The following CSAD variants were observed in gnomAD, a reference collection of about 807,000 sequenced individuals.
CSAD encodes the protein P-selectin cytoplasmic tail-associated protein.
CSAD carries 47 observed loss-of-function variants against 61.5 expected under a neutral mutation model. The observed-to-expected ratio is 0.76, with a 90% CI of 0.60 to 0.97. CSAD has a LOEUF of 0.97. Ranked by LOEUF, CSAD falls within the 50% of genes least tolerant of loss-of-function variation. The probability of loss-of-function intolerance (pLI) is 0.00; values close to 1 mark genes in which losing one functional copy is unlikely to be tolerated. For synonymous variants in CSAD, 245 were observed against 252.7 expected (o/e 0.97, Z 0.29); for missense variants, 611 against 643.6 (o/e 0.95, Z 0.55).
chr12:53,168,077 G>T (rs1260596146), intron 10 of CSAD, among the ~76,000 whole-genome samples: 1 of 152,186 alleles, frequency 6.6e-6, no homozygotes, highest in African/African-American at 2.4e-5. Flanking sequence ...CACGCTACAG[G>T]TTGGATGAAC....
intron 2 of CSAD, among the ~76,000 whole-genome samples, chr12:53,176,892 C>T (rs556022427): frequency 6.6e-6 from 1 of 151,972 alleles, no homozygotes; most frequent in African/African-American, 2.4e-5. Context: ...GCCAGCATGC[C>T]GGGTTAATTT....
At position 53,161,116 on chromosome 12, in the gene CSAD, A is replaced by T; in HGVS notation, c.884+11T>A. 1.2e-6 allele frequency: 2 copies of T among 1,612,932 alleles called. No individual in the cohort carries two copies. Among genetic ancestry groups the T allele is most frequent in the Non-Finnish European group, 1.7e-6 (2 of 1,179,044 alleles). On this transcript the variant is annotated intron_variant, in intron 12 of 16. Transcript: ENST00000444623. ...AAGGGCGGGATTTGGGAAGAAGGGG[A>T]CTGTATGCACCTCTGGATCCCATCC...
chr12:53,160,542 A>G (rs1165545141), intron 13 of CSAD, among the ~76,000 whole-genome samples: 1 of 152,214 alleles, frequency 6.6e-6, no homozygotes, highest in Admixed American at 6.5e-5. Flanking sequence ...TAGAAACTCC[A>G]GGATACCTCT....
chr12:53,172,061 G>A lies in CSAD; in HGVS notation c.345-73C>T, dbSNP rs1015250310. On this transcript the variant is annotated intron_variant, in intron 6 of 16. Transcript: ENST00000444623. ...CCAGACAGGCCCTTAAACTGCACAG[G>A]AGTCACAAAAAGGAGGCAGTGAAGA... 1.8e-5 allele frequency: 20 copies of A among 1,085,340 alleles called. No homozygotes were observed. In the African/African-American group the frequency reaches 2.4e-4, roughly 13 times the overall value. 67.2% of individuals were successfully genotyped at this position (1,085,340 alleles called of 1,614,324 possible). A position where few individuals can be genotyped will look rare whatever the true frequency, so the allele number is the denominator to read the frequency against.
chr12:53,173,018 GC>G lies in CSAD; in HGVS notation c.126+326del, dbSNP rs375994918. Among the ~76,000 whole-genome samples the G allele has an allele frequency of 7.4e-4, 113 of 152,264 alleles. 2 individuals are homozygous for G. The South Asian group carries it at 0.022, about 30-fold the overall frequency. On this transcript the variant is annotated intron_variant, in intron 4 of 16. Coordinates refer to ENST00000444623, the MANE Select transcript of CSAD (RefSeq NM_001244705.2). ...AGGTCAGGAGTTCGAGAGCAGCCTG[GC>G]TAACATGGTGAAACCCCGTCTCTAC...
chr12:53,172,662 C>T lies in CSAD; in HGVS notation c.127-14G>A, dbSNP rs778289097. 6.4e-5 allele frequency: 102 copies of T among 1,599,048 alleles called. 1 individual carries two copies. Among genetic ancestry groups the T allele is most frequent in the South Asian group, 2.9e-4 (26 of 89,384 alleles). The stretch of plus-strand genomic sequence containing the variant: ...CCACTCACAGACCTAGGAAGAGAGC[C>T]GGGGATGCTGGGGGCCTGGGATGCC... On this transcript the variant is annotated splice_polypyrimidine_tract_variant and intron_variant, in intron 4 of 16. Coordinates refer to ENST00000444623, the MANE Select transcript of CSAD (RefSeq NM_001244705.2).
At chr12:53,160,704 T>TC in intron 13 of CSAD, 59 bp downstream of exon 13, 7 of 1,392,870 alleles carry the variant, frequency 5.0e-6, no homozygotes, top group Non-Finnish European at 7.0e-6. Flanking sequence ...TAAGGTGGGA[T>TC]AGAGAAGGCA....
chr12:53,159,515 A>C (rs532747037), intron 16 of CSAD, 108 bp downstream of exon 16: 12 of 866,398 alleles, frequency 1.4e-5, no homozygotes, highest in African/African-American at 1.3e-4. Context: ...CCTCAGAGCA[A>C]GAGACCAGCA....
chr12:53,181,103 C>T (rs369601059), upstream of CSAD: 114 of 946,928 alleles, frequency 1.2e-4, no homozygotes, highest in East Asian at 0.011. Flanking sequence ...CTTCTCGGCA[C>T]TCTCCGGCTC....
intron 16 of CSAD, 114 bp downstream of exon 16, chr12:53,159,509 A>T: frequency 1.2e-6 from 1 of 817,518 alleles, no homozygotes; most frequent in South Asian, 1.6e-5. Flanking sequence ...TCCACGCCTC[A>T]GAGCAAGAGA....
chr12:53,178,367 C>A, intron 2 of CSAD: 4 of 455,964 alleles, frequency 8.8e-6, no homozygotes, highest in Non-Finnish European at 1.8e-5. Flanking sequence ...TTGCCCACAT[C>A]TGTAGTCCCA....
At chr12:53,162,870 T>G (rs922383013) in intron 10 of CSAD, among the ~76,000 whole-genome samples, 2 of 151,924 alleles carry the variant, frequency 1.3e-5, no homozygotes, top group Admixed American at 6.6e-5. Context: ...GAGACTAGCC[T>G]GACCAACATG....
rs558582428 is a variant in CSAD, at chr12:53,174,651, G to A, written c.-49-881C>T. ...TCTACTAAAAAATACACAATTAGCCGGGCGTGGTGGCGGGTGCCTGTAATC... is the reference window on the plus strand; with the variant it reads ...TCTACTAAAAAATACACAATTAGCCAGGCGTGGTGGCGGGTGCCTGTAATC... On this transcript the variant is annotated intron_variant, in intron 2 of 16. Transcript: ENST00000444623. 3.5e-4 allele frequency among the ~76,000 whole-genome samples: 53 copies of A among 152,122 alleles called. 2 individuals are homozygous for A. The highest frequency in any genetic ancestry group is 2.1e-4 in the South Asian group (1 of 4,814).
chr12:53,180,708 CG>C, intron 1 of CSAD, 23 bp downstream of exon 1: 2 of 1,269,604 alleles, frequency 1.6e-6, no homozygotes, highest in Non-Finnish European at 2.0e-6. Context: ...GGAAACGGGC[CG>C]GGGTTGGTGT....
chr12:53,177,409 A>G (rs569015874), intron 2 of CSAD, among the ~76,000 whole-genome samples: 2 of 152,368 alleles, frequency 1.3e-5, no homozygotes, highest in South Asian at 2.1e-4. Flanking sequence ...GTTATTATCC[A>G]TAACACAGAC....
chr12:53,179,500 ATAAG>A, intron 1 of CSAD: 1 of 447,926 alleles, frequency 2.2e-6, no homozygotes, highest in East Asian at 4.0e-5. Flanking sequence ...GATTTGTAAA[ATAAG>A]TAGGAGCTAA....
chr12:53,164,224 C>A (rs1939624035), intron 10 of CSAD, among the ~76,000 whole-genome samples: 1 of 151,940 alleles, frequency 6.6e-6, no homozygotes, highest in Non-Finnish European at 1.5e-5. Context: ...GCAGAAGCAA[C>A]CAAAGAAAAA....
chr12:53,173,443 G>C lies in CSAD; in HGVS notation c.28C>G (p.Leu10Val). MADSEALPS[L>V]AGDPVAVEAL... is the part of the protein sequence containing the mutation. ...TCCACAGCCACTGGGTCCCCAGCAA[G>C]GGAGGGGAGTGCTTCTGAGTCAGCC... Residue 10 changes from leucine to valine, a missense_variant, in exon 4 of 17, where the codon CTT becomes GTT. Coordinates refer to ENST00000444623, the MANE Select transcript of CSAD (RefSeq NM_001244705.2). 6.2e-7 allele frequency: 1 copy of C among 1,614,204 alleles called. No homozygotes were observed. Among genetic ancestry groups the C allele is most frequent in the East Asian group, 2.2e-5 (1 of 44,878 alleles).
At chr12:53,174,101 G>C (rs530183248) in intron 2 of CSAD, among the ~76,000 whole-genome samples, 1 of 151,998 alleles carries the variant, frequency 6.6e-6, no homozygotes, top group East Asian at 2.0e-4. Flanking sequence ...TCAGGAGATC[G>C]AGACCATCCT....
Sources: allele counts gnomAD v4.1 joint callset (sites outside exome capture counted in the v4.1 genomes callset), GRCh38; gene constraint gnomAD v4.1.1; transcripts MANE v1.5; gene names NCBI Gene and HGNC (gene_info 2026-07-23, HGNC 2026-07-21).